Variants in TNXB observed in about 807,000 individuals in gnomAD.
The protein encoded by TNXB is tenascin XB.
In TNXB, 183 loss-of-function variants were observed where a neutral mutation model predicts 340.5. The ratio of observed to expected loss-of-function variants is 0.54; its 90% CI spans 0.48 to 0.61. The LOEUF is 0.61. TNXB is among the 20% of genes least tolerant of loss of function. The pLI, the probability that TNXB is intolerant of heterozygous loss-of-function variation, is 0.00. For synonymous variants in TNXB, 2,121 were observed against 2,314.5 expected (o/e 0.92, Z 2.40); for missense variants, 4,613 against 5,446.4 (o/e 0.85, Z 4.82).
In TNXB at chr6:32,046,368, T is replaced by C. The variant is rs2151887691; in HGVS notation, c.10413A>G (p.Val3471=). 3 of 1,604,248 alleles carry C rather than the reference T, an allele frequency of 1.9e-6. No individual in the cohort carries two copies. Among genetic ancestry groups the C allele is most frequent in the Non-Finnish European group, 2.5e-6 (3 of 1,176,562 alleles). Reference sequence around the variant, plus strand: ...CGAAGGAGTCAAAGGGGCCCTGGGCTACCGTCCAGGACAGGCGCAGAGAGC... The same window carrying C: ...CGAAGGAGTCAAAGGGGCCCTGGGCCACCGTCCAGGACAGGCGCAGAGAGC... ...TSSSLRLSWT[V]AQGPFDSFVV... Residue 3471 remains valine, a synonymous_variant, in exon 31 of 44, where the codon GTA becomes GTG. Transcript: ENST00000644971. The surrounding 1 kb of genome is among the most constrained non-coding windows in gnomAD (Gnocchi z 6.9).
intron 1 of TNXB, 121 bp from the exon 2 acceptor site, chr6:32,098,327 T>C (rs1780532581): frequency 1.2e-6 from 1 of 832,930 alleles, no homozygotes; most frequent in African/African-American, 1.7e-5. Context: ...CTCACATGCA[T>C]GTAAAAATTC....
intron 11 of TNXB, among the ~76,000 whole-genome samples, chr6:32,077,122 C>T (rs2127238925): frequency 6.6e-6 from 1 of 152,352 alleles, no homozygotes; most frequent in African/African-American, 2.4e-5. Flanking sequence ...AGAGCCCATC[C>T]TTACCCCAGG....
rs1779565191 is a variant in TNXB, at chr6:32,083,015, C to A, written c.3446-689G>T. 6.6e-6 allele frequency among the ~76,000 whole-genome samples: 1 copy of A among 152,184 alleles called. No individual in the cohort carries two copies. The highest frequency in any genetic ancestry group is 2.1e-4 in the South Asian group (1 of 4,822). On this transcript the variant is annotated intron_variant, in intron 8 of 43. Coordinates refer to ENST00000644971, the MANE Select transcript of TNXB (RefSeq NM_001365276.2). This position sits in a 1 kb window ranked among gnomAD's most constrained non-coding sequence, Gnocchi z 4.6. ...CAGAAAGTGATGTCTACACTGATTG[C>A]AGCCATGTCCTCACCTCCACCACCC...
chr6:32,041,482 G>C, intron 43 of TNXB, 32 bp from the exon 44 acceptor site: 1 of 1,144,320 alleles, frequency 8.7e-7, no homozygotes, highest in Non-Finnish European at 1.3e-6. Context: ...GAGAGTCAAA[G>C]CCGGATGTCC....
rs1225427029 is a variant in TNXB, at chr6:32,090,824, G to T, written c.2359-1445C>A. 2.0e-5 allele frequency among the ~76,000 whole-genome samples: 3 copies of T among 152,060 alleles called. No individual in the cohort carries two copies. Among genetic ancestry groups the T allele is most frequent in the African/African-American group, 7.2e-5 (3 of 41,384 alleles). On this transcript the variant is annotated intron_variant, in intron 4 of 43. Transcript: ENST00000644971. The surrounding 1 kb of genome is among the most constrained non-coding windows in gnomAD (Gnocchi z 4.3). ...ACCCATGAAATCCTTACCCTTCCCA[G>T]AATTTATTTGTTCATTTTCTCTGTG...
rs762095976 is a variant in TNXB, at chr6:32,053,446, G to T, written c.8733C>A (p.Asn2911Lys). 2.5e-6 allele frequency: 4 copies of T among 1,613,134 alleles called. No homozygotes were observed. The highest frequency in any genetic ancestry group is 1.3e-5 in the African/African-American group (1 of 74,920). Residue 2911 changes from asparagine to lysine, a missense_variant, in exon 25 of 44, where the codon AAC (asparagine) becomes AAA (lysine). Transcript: ENST00000644971. ...GCTGGCCACCGTGGAAGCCGTACAG[G>T]TTCATCTTGTACTTGTGGTCTGGCT... ...GLEPDHKYKM[N>K]LYGFHGGQRV...
rs771235002 is a variant in TNXB at position 32,046,323 on chromosome 6, C to G, written c.10458G>C (p.Thr3486=). The G allele has an allele frequency of 2.5e-6, 4 of 1,606,738 alleles. No individual in the cohort carries two copies. The highest frequency in any genetic ancestry group is 3.4e-6 in the Non-Finnish European group (4 of 1,178,126). The change falls in exon 31 of 44, where the codon ACG becomes ACC. Residue 3486 remains threonine (T), a synonymous_variant. Transcript: ENST00000644971. The surrounding 1 kb of genome is among the most constrained non-coding windows in gnomAD (Gnocchi z 6.9). The part of the protein sequence containing the change: ...FDSFVVQYRD[T]DGQPRAVPVA... ...CAGGCACTGCCCTGGGCTGCCCGTC[C>G]GTGTCCCTGTACTGGACCACGAAGG... is the stretch of plus-strand genomic sequence containing the variant.
chr6:32,053,481 A>G lies in TNXB; in HGVS notation c.8698T>C (p.Ser2900Pro). 1 of 1,613,378 alleles carries G rather than the reference A, an allele frequency of 6.2e-7. No individual in the cohort carries two copies. Among genetic ancestry groups the G allele is most frequent in the Non-Finnish European group, 8.5e-7 (1 of 1,179,878 alleles). Residue 2900 changes from serine (S) to proline (P), a missense_variant, in exon 25 of 44, where the codon TCA becomes CCA. By Grantham distance (74) the Ser-to-Pro change is moderately conservative (BLOSUM62 -1). Coordinates refer to ENST00000644971, the MANE Select transcript of TNXB (RefSeq NM_001365276.2). ...TACTTGTGGTCTGGCTCCAGGCCTG[A>G]GATGGTGACCCCGTCCTCGTGCCCC... ...VPGHEDGVTI[S>P]GLEPDHKYKM...
chr6:32,056,440 C>CA, intron 23 of TNXB, 146 bp downstream of exon 23: 2 of 1,395,346 alleles, frequency 1.4e-6, no homozygotes, highest in Non-Finnish European at 9.7e-7. Context: ...GGGTCAGCCT[C>CA]AGAGGAAGGC....
rs552798448 is a variant in TNXB at position 32,097,396 on chromosome 6, G to C, written c.457C>G (p.Arg153Gly). The change falls in exon 3 of 44, where the codon CGC becomes GGC. Residue 153 changes from arginine to glycine, a missense_variant. Coordinates refer to ENST00000644971, the MANE Select transcript of TNXB (RefSeq NM_001365276.2). The surrounding 1 kb of genome is among the most constrained non-coding windows in gnomAD (Gnocchi z 5.9). ...CCTGGCTCACAGGAACAGGTGCAGC[G>C]GCTCAGATCAAACACACCATGGAGA... ...CSLHGVFDLS[R>G]CTCSCEPGWG... 8.7e-6 allele frequency: 14 copies of C among 1,610,074 alleles called. No homozygotes were observed. The highest frequency in any genetic ancestry group is 1.1e-5 in the Non-Finnish European group (13 of 1,179,516).
rs755214571 is a variant in TNXB, at chr6:32,052,943, C to G, written c.8842G>C (p.Glu2948Gln). 4.0e-5 allele frequency: 65 copies of G among 1,612,582 alleles called. No individual in the cohort carries two copies. Among genetic ancestry groups the G allele is most frequent in the Non-Finnish European group, 5.3e-5 (62 of 1,179,800 alleles). Residue 2948 changes from glutamate (E) to glutamine (Q), a missense_variant, in exon 26 of 44, where the codon GAG (glutamate) becomes CAG (glutamine). Transcript: ENST00000644971. The surrounding 1 kb of genome is among the most constrained non-coding windows in gnomAD (Gnocchi z 4.7). The part of the protein sequence containing the change: ...APTEPSTEAP[E>Q]PPEEPLLGEL... ...CCCAGGAGCGGCTCCTCAGGGGGCT[C>G]CGGGGCCTCCGTGCTGGGTTCTGTG...
chr6:32,081,463 A>T lies in TNXB; in HGVS notation c.3947T>A (p.Val1316Asp), dbSNP rs1400345607. Reference sequence around the variant, plus strand: ...CTTCCGGTCGGGATCCAGGCCGGGGACAGTAACCTCATTCTCATCCCCCGC... The same window carrying T: ...CTTCCGGTCGGGATCCAGGCCGGGGTCAGTAACCTCATTCTCATCCCCCGC... ...PVAGDENEVT[V>D]PGLDPDRKYK... is the part of the protein sequence containing the mutation. The change falls in exon 10 of 44, where the codon GTC becomes GAC. Residue 1316 changes from valine (V) to aspartate (D), a missense_variant. Coordinates refer to ENST00000644971, the MANE Select transcript of TNXB (RefSeq NM_001365276.2). The surrounding 1 kb of genome is among the most constrained non-coding windows in gnomAD (Gnocchi z 5.1). 6.3e-7 allele frequency: 1 copy of T among 1,596,254 alleles called. No homozygotes were observed. Among genetic ancestry groups the T allele is most frequent in the Non-Finnish European group, 8.5e-7 (1 of 1,171,426 alleles).
At position 32,067,751 on chromosome 6, in the gene TNXB, C is replaced by G. The variant is rs1160808140; in HGVS notation, c.6454G>C (p.Gly2152Arg). Residue 2152 changes from glycine to arginine, a missense_variant, in exon 18 of 44, where the codon GGC becomes CGC. Transcript: ENST00000644971. The surrounding 1 kb of genome is among the most constrained non-coding windows in gnomAD (Gnocchi z 4.2). ...TTGTACTTGCGCCCAGGCTCCAGGC[C>G]CCCCACGGTGACTTCACTCTCCTCG... ...GGEESEVTVG[G>R]LEPGRKYKMH... 2 of 1,613,788 alleles carry G rather than the reference C, an allele frequency of 1.2e-6. No homozygotes were observed. The highest frequency in any genetic ancestry group is 1.7e-6 in the Non-Finnish European group (2 of 1,179,888).
rs1173934573 is a variant in TNXB, at chr6:32,067,527, C to A, written c.6544+134G>T. On this transcript the variant is annotated intron_variant, in intron 18 of 43. Transcript: ENST00000644971. The surrounding 1 kb of genome is among the most constrained non-coding windows in gnomAD (Gnocchi z 4.2). ...TTGCTCTCTCTGTCCCCAGATCACA[C>A]CTGTCCTGAGCCTTTAGTGAACAGG... The A allele has an allele frequency of 7.1e-6, 9 of 1,273,720 alleles. No individual in the cohort carries two copies. Among genetic ancestry groups the A allele is most frequent in the Non-Finnish European group, 9.4e-6 (9 of 952,682 alleles). 78.9% of individuals were successfully genotyped at this position (1,273,720 alleles called of 1,614,324 possible).
At position 32,062,432 on chromosome 6, in the gene TNXB, G is replaced by C; in HGVS notation, c.6893C>G (p.Pro2298Arg). ...CAGGCGAGGCTTGATGGGGGGTTCAGGGGTGGGAGGTTCTGTCGAGGCTGG... is the reference window on the plus strand; with the variant it reads ...CAGGCGAGGCTTGATGGGGGGTTCACGGGTGGGAGGTTCTGTCGAGGCTGG... ...MAPASTEPPT[P>R]EPPIKPRLEE... Residue 2298 changes from proline (P) to arginine (R), a missense_variant, in exon 20 of 44, where the codon CCT becomes CGT. Physicochemically the swap from Pro to Arg is moderately radical, Grantham distance 103. Transcript: ENST00000644971. The surrounding 1 kb of genome is among the most constrained non-coding windows in gnomAD (Gnocchi z 4.3). 6.2e-7 allele frequency: 1 copy of C among 1,612,256 alleles called. No individual in the cohort carries two copies. The highest frequency in any genetic ancestry group is 2.2e-5 in the East Asian group (1 of 44,866).
rs1385796011 is a variant in TNXB at position 32,055,918 on chromosome 6, G to C, written c.8400C>G (p.Tyr2800Ter). 1 of 1,613,562 alleles carries C rather than the reference G, an allele frequency of 6.2e-7. No homozygotes were observed. The highest frequency in any genetic ancestry group is 8.5e-7 in the Non-Finnish European group (1 of 1,179,886). The stretch of plus-strand genomic sequence containing the variant: ...CGTGGAGGCCGTACAGGTGCATCTT[G>C]TATTTGCGCCCGGGCTCCAGGCCCC... Reference protein sequence around the residue: ...TVGGLEPGRKYKMHLYGLHEG... With the variant: ...TVGGLEPGRK The change falls in exon 24 of 44, where the codon TAC (tyrosine) becomes TAG (stop). Residue 2800 changes from tyrosine (Y) to a stop codon, truncating the protein, a stop_gained. Coordinates refer to ENST00000644971, the MANE Select transcript of TNXB (RefSeq NM_001365276.2). LOFTEE classifies it high-confidence loss of function.
Position 32,082,092 on chromosome 6 carries a change from A to G in TNXB, c.3680T>C (p.Leu1227Pro), listed in dbSNP as rs1292326989. 6.2e-7 allele frequency: 1 copy of G among 1,610,578 alleles called. No individual in the cohort carries two copies. Among genetic ancestry groups the G allele is most frequent in the East Asian group, 2.2e-5 (1 of 44,824 alleles). The part of the protein sequence containing the change: ...LDPDHKYRFT[L>P]FGIANKKRYG... Reference sequence around the variant, plus strand: ...CCGCTTCTTGTTCGCAATTCCAAACAGAGTGAATCTGTACTTGTGGTCAGG... The same window carrying G: ...CCGCTTCTTGTTCGCAATTCCAAACGGAGTGAATCTGTACTTGTGGTCAGG... The change falls in exon 9 of 44, where the codon CTG becomes CCG. Residue 1227 changes from leucine to proline, a missense_variant. Coordinates refer to ENST00000644971, the MANE Select transcript of TNXB (RefSeq NM_001365276.2). This position sits in a 1 kb window ranked among gnomAD's most constrained non-coding sequence, Gnocchi z 5.0.
At position 32,049,246 on chromosome 6, in the gene TNXB, A is replaced by G. The variant is rs1384469593; in HGVS notation, c.9757+24T>C. On this transcript the variant is annotated intron_variant, in intron 28 of 43. Transcript: ENST00000644971. The surrounding 1 kb of genome is among the most constrained non-coding windows in gnomAD (Gnocchi z 4.5). ...GGGGGCTGCAGAGGTAAACCTGGGG[A>G]CGAGGGCCTGTCCCCCCACTCACCC... 2.5e-6 allele frequency: 4 copies of G among 1,598,956 alleles called. No individual in the cohort carries two copies. Among genetic ancestry groups the G allele is most frequent in the Non-Finnish European group, 3.4e-6 (4 of 1,171,012 alleles).
rs1224955824 is a variant in TNXB at position 32,079,827 on chromosome 6, AG to A, written c.4043-463del. Among the ~76,000 whole-genome samples the A allele has an allele frequency of 6.6e-6, 1 of 152,188 alleles. No individual in the cohort carries two copies. Among genetic ancestry groups the A allele is most frequent in the Non-Finnish European group, 1.5e-5 (1 of 68,020 alleles). On this transcript the variant is annotated intron_variant, in intron 10 of 43. Transcript: ENST00000644971. This position sits in a 1 kb window ranked among gnomAD's most constrained non-coding sequence, Gnocchi z 7.1. ...ACCCCAAGGAATGAATTGCTAAGGC[AG>A]GGCTCCAGGCATGAGTGGGAGAAAA...
Sources: gnomAD v4.1 joint callset for allele counts (sites outside exome capture counted in the v4.1 genomes callset) on GRCh38, gnomAD v4.1.1 for gene constraint, Gnocchi (gnomAD v3.1) non-coding constraint, MANE v1.5 for transcripts, NCBI Gene and HGNC (gene_info 2026-07-23, HGNC 2026-07-21) for gene names.